The following RNF150 variants were observed in gnomAD, a reference collection of about 807,000 sequenced individuals.
RNF150 encodes ring finger protein 150.
In RNF150, 24 loss-of-function variants were observed where a neutral mutation model predicts 39.3. That is an observed-to-expected ratio of 0.61 (90% CI 0.44 to 0.86). The LOEUF (loss-of-function observed/expected upper bound fraction) is 0.86, where lower values mean the gene tolerates loss of function less well. Among genes scored for constraint, RNF150 ranks in the 40% least tolerant of loss-of-function variants. The pLI, the probability that RNF150 is intolerant of heterozygous loss-of-function variation, is 0.00. For synonymous variants in RNF150, 255 were observed against 227.3 expected (o/e 1.12, Z -1.10); for missense variants, 502 against 587.8 (o/e 0.85, Z 1.51).
intron 2 of RNF150, 70 bp downstream of exon 2, chr4:140,967,553 T>C (rs1733292410): frequency 1.4e-6 from 2 of 1,411,552 alleles, no homozygotes; most frequent in Non-Finnish European, 1.9e-6. Flanking sequence ...GTATTTTCTG[T>C]CATGTTCAAA....
intron 1 of RNF150, among the ~76,000 whole-genome samples, chr4:141,081,293 A>T (rs1266666150): frequency 6.6e-6 from 1 of 152,184 alleles, no homozygotes; most frequent in Non-Finnish European, 1.5e-5. Context: ...GCTCCATCTT[A>T]ACTTCATCTG....
At chr4:141,133,844 A>G (rs1229693244), upstream of RNF150, among the ~76,000 whole-genome samples, 3 of 152,298 alleles carry the variant, frequency 2.0e-5, no homozygotes, top group East Asian at 5.8e-4. Context: ...TGGAATACCT[A>G]GGGCAGTGGC....
chr4:140,896,699 AACAAAAAAACAAAC>A (rs1560953091), intron 6 of RNF150, among the ~76,000 whole-genome samples: 5 of 44,456 alleles, frequency 1.1e-4, no homozygotes, highest in East Asian at 1.3e-3. Context: ...AAAAAAAAAA[AACAAAAAAACAAAC>A]AAACAAACAA....
intron 1 of RNF150, among the ~76,000 whole-genome samples, chr4:141,000,103 A>AGAAGAGGAG (rs1330539308): frequency 1.4e-5 from 2 of 145,786 alleles, no homozygotes; most frequent in Admixed American, 6.9e-5. Flanking sequence ...AAGAAGAAGA[A>AGAAGAGGAG]GAAGAGGAGG....
At chr4:140,868,764 A>G (rs1239746939) in intron 6 of RNF150, among the ~76,000 whole-genome samples, 1 of 152,188 alleles carries the variant, frequency 6.6e-6, no homozygotes, top group East Asian at 1.9e-4. Context: ...AAACTCAGGA[A>G]TTTGCAAAAA....
At chr4:140,970,726 T>A (rs1560993421) in intron 1 of RNF150, among the ~76,000 whole-genome samples, 2 of 152,178 alleles carry the variant, frequency 1.3e-5, no homozygotes, top group Non-Finnish European at 2.9e-5. Flanking sequence ...AGTGCTTAGT[T>A]ACACCACTTG....
chr4:140,916,647 G>T (rs538834559), intron 5 of RNF150, among the ~76,000 whole-genome samples: 3,123 of 150,482 alleles, frequency 0.021, 28 homozygotes, highest in East Asian at 0.039. Context: ...AACTTCCCCA[G>T]TCTAGCAAGG....
At chr4:141,095,480 A>G (rs1167197502) in intron 1 of RNF150, among the ~76,000 whole-genome samples, 2 of 152,332 alleles carry the variant, frequency 1.3e-5, no homozygotes, top group Admixed American at 6.5e-5. Context: ...AAATGGATAA[A>G]TTGTGGCATG....
chr4:140,916,916 C>G (rs1432404078), intron 5 of RNF150, among the ~76,000 whole-genome samples: 1 of 152,144 alleles, frequency 6.6e-6, no homozygotes, highest in South Asian at 2.1e-4. Context: ...GAATTTTCAA[C>G]CCAGAATTTC....
chr4:141,187,002 T>C (rs1394636566), intron 1 of RNF150, among the ~76,000 whole-genome samples: 1 of 152,242 alleles, frequency 6.6e-6, no homozygotes, highest in Non-Finnish European at 1.5e-5. Flanking sequence ...GTGCAATAGA[T>C]TTCCCTGGAA....
chr4:140,929,959 G>A (rs1020779596), intron 4 of RNF150, among the ~76,000 whole-genome samples: 1 of 152,138 alleles, frequency 6.6e-6, no homozygotes, highest in Non-Finnish European at 1.5e-5. Flanking sequence ...TCAGGAGTTT[G>A]AGACTAGGCT....
chr4:141,079,631 A>G (rs1245836273), intron 1 of RNF150, among the ~76,000 whole-genome samples: 1 of 152,254 alleles, frequency 6.6e-6, no homozygotes, highest in Non-Finnish European at 1.5e-5. Flanking sequence ...CTGGCTGAGC[A>G]CTACAGACAG....
chr4:140,864,176 A>T lies in RNF150; in HGVS notation c.*4085T>A, dbSNP rs1027164915. On this transcript the variant is annotated 3_prime_UTR_variant, in exon 7 of 7. Transcript: ENST00000515673. ...ACAGAGCTTTGCCTCCATGATTCTG[A>T]TCATTACCATGTGATGTCAAAAATG... 1 of 152,270 alleles carries T rather than the reference A, an allele frequency of 6.6e-6. No individual in the cohort carries two copies. Among genetic ancestry groups the T allele is most frequent in the Non-Finnish European group, 1.5e-5 (1 of 68,062 alleles). 9.4% of individuals were successfully genotyped at this position (152,270 alleles called of 1,614,324 possible).
chr4:140,957,674 G>A (rs367591799), intron 2 of RNF150, among the ~76,000 whole-genome samples: 3,826 of 151,750 alleles, frequency 0.025, 62 homozygotes, highest in East Asian at 0.053. Flanking sequence ...TGATAGACTG[G>A]ATTAAGAAAA....
intron 1 of RNF150, among the ~76,000 whole-genome samples, chr4:141,101,892 C>G (rs1284769647): frequency 6.6e-6 from 1 of 152,174 alleles, no homozygotes; most frequent in African/African-American, 2.4e-5. Flanking sequence ...AGCGATTCTC[C>G]TGCCTCAGCC....
intron 6 of RNF150, among the ~76,000 whole-genome samples, chr4:140,882,210 GGGGTTTCACCATGTT>G (rs1390441751): frequency 2.0e-5 from 3 of 151,938 alleles, no homozygotes; most frequent in Admixed American, 1.3e-4. Context: ...TAGTAGAGAC[GGGGTTTCACCATGTT>G]AGCCAGGATG....
intron 6 of RNF150, among the ~76,000 whole-genome samples, chr4:140,885,671 GGTGA>G (rs1194974386): frequency 6.7e-6 from 1 of 148,336 alleles, no homozygotes; most frequent in Non-Finnish European, 1.5e-5. Flanking sequence ...CCTGACCTCA[GGTGA>G]TCTGCCCACC....
chr4:140,961,093 A>G (rs1467445568), intron 2 of RNF150, among the ~76,000 whole-genome samples: 2 of 152,142 alleles, frequency 1.3e-5, no homozygotes, highest in African/African-American at 2.4e-5. Context: ...ATTACCCTCT[A>G]CCAGATTTAA....
chr4:141,066,306 T>C (rs946724741), intron 1 of RNF150, among the ~76,000 whole-genome samples: 2 of 152,030 alleles, frequency 1.3e-5, no homozygotes, highest in East Asian at 3.9e-4. Flanking sequence ...ATGAGAAGCA[T>C]ATATCTCCAT....
Sources: allele counts gnomAD v4.1 joint callset (sites outside exome capture counted in the v4.1 genomes callset), GRCh38; gene constraint gnomAD v4.1.1; transcripts MANE v1.5; gene names NCBI Gene and HGNC (gene_info 2026-07-23, HGNC 2026-07-21).